Variants in TMPRSS11F observed in about 807,000 individuals in gnomAD.
The protein encoded by TMPRSS11F is transmembrane protease serine 11F.
A neutral mutation model predicts 60.2 loss-of-function variants in TMPRSS11F; 47 were observed. The ratio of observed to expected loss-of-function variants is 0.78; its 90% CI spans 0.62 to 1.00. The LOEUF (loss-of-function observed/expected upper bound fraction) is 1.00, where lower values mean the gene tolerates loss of function less well. TMPRSS11F is among the 50% of genes least tolerant of loss of function. The pLI, the probability that TMPRSS11F is intolerant of heterozygous loss-of-function variation, is 0.00. For missense variants in TMPRSS11F, 519 were observed against 522.9 expected (o/e 0.99, Z 0.07); for synonymous variants, 166 against 167.3 (o/e 0.99, Z 0.06).
chr4:68,090,851 TA>T (rs1290967753), intron 2 of TMPRSS11F, among the ~76,000 whole-genome samples: 6 of 152,192 alleles, frequency 3.9e-5, no homozygotes, highest in African/African-American at 1.4e-4. Context: ...TACTCATACA[TA>T]ACACTCCATT....
intron 1 of TMPRSS11F, among the ~76,000 whole-genome samples, chr4:68,100,832 T>G (rs1724177411): frequency 6.6e-6 from 1 of 152,086 alleles, no homozygotes; most frequent in Non-Finnish European, 1.5e-5. Flanking sequence ...TTACATAACC[T>G]AGAAAAAAAA....
chr4:68,055,834 T>C (rs1404549199), intron 9 of TMPRSS11F, among the ~76,000 whole-genome samples: 1 of 152,120 alleles, frequency 6.6e-6, no homozygotes, highest in Non-Finnish European at 1.5e-5. Context: ...TCAAATAGAT[T>C]AAAGGAATCA....
At chr4:68,100,229 A>G (rs543450174) in intron 1 of TMPRSS11F, among the ~76,000 whole-genome samples, 1 of 152,288 alleles carries the variant, frequency 6.6e-6, no homozygotes, top group African/African-American at 2.4e-5. Context: ...AATTCTGGGA[A>G]GAGGATATGG....
chr4:68,073,112 A>G (rs757923381), intron 4 of TMPRSS11F, among the ~76,000 whole-genome samples: 7 of 152,174 alleles, frequency 4.6e-5, no homozygotes, highest in African/African-American at 1.7e-4. Context: ...CAGATGCAGA[A>G]GATCCAGTGG....
rs147931639 is a variant in TMPRSS11F at position 68,068,555 on chromosome 4, C to T, written c.755+63G>A. 6.4e-3 allele frequency: 8,993 copies of T among 1,404,596 alleles called. 37 individuals are homozygous for T. The highest frequency in any genetic ancestry group is 7.9e-3 in the Non-Finnish European group (7,793 of 992,198). 87.0% of individuals were successfully genotyped at this position (1,404,596 alleles called of 1,614,324 possible). A position where few individuals can be genotyped will look rare whatever the true frequency, so the allele number is the denominator to read the frequency against. ...CTGGAGAGACTGGACTCTTCTGATG[C>T]GCTAAATCAGTGGCAGATGAGGACT... On this transcript the variant is annotated intron_variant, in intron 7 of 9. Transcript: ENST00000356291.
intron 5 of TMPRSS11F, among the ~76,000 whole-genome samples, chr4:68,071,987 A>G (rs1723475716): frequency 1.3e-5 from 2 of 151,836 alleles, no homozygotes. Context: ...CATGTCTCAC[A>G]TCTTCCTTGA....
chr4:68,067,864 G>T (rs938023269), intron 7 of TMPRSS11F, among the ~76,000 whole-genome samples: 1 of 152,152 alleles, frequency 6.6e-6, no homozygotes, highest in African/African-American at 2.4e-5. Context: ...TCTTTATTTA[G>T]AGTTTTGTCT....
intron 3 of TMPRSS11F, among the ~76,000 whole-genome samples, chr4:68,088,373 G>T (rs1393447779): frequency 1.3e-5 from 2 of 150,540 alleles, no homozygotes; most frequent in African/African-American, 4.9e-5. Context: ...CCCAATACAG[G>T]AGCACCCAGA....
At chr4:68,063,028 T>C in intron 8 of TMPRSS11F, 1 of 670,208 alleles carries the variant, frequency 1.5e-6, no homozygotes, top group Non-Finnish European at 2.9e-6. Context: ...ACACGCTCAT[T>C]TGGGAGTCAC....
At chr4:68,062,783 C>A (rs372094655) in intron 8 of TMPRSS11F, 15 of 745,040 alleles carry the variant, frequency 2.0e-5, no homozygotes, top group Non-Finnish European at 3.5e-5. Context: ...CCGCCCTCTG[C>A]GGATGGATAT....
At chr4:68,110,935 G>A (rs1335184404) in intron 1 of TMPRSS11F, among the ~76,000 whole-genome samples, 1 of 152,004 alleles carries the variant, frequency 6.6e-6, no homozygotes, top group East Asian at 1.9e-4. Flanking sequence ...TGATGGAAAT[G>A]GACAGTACAA....
At chr4:68,090,163 A>G (rs558119022) in intron 3 of TMPRSS11F, among the ~76,000 whole-genome samples, 1 of 152,218 alleles carries the variant, frequency 6.6e-6, no homozygotes, top group East Asian at 1.9e-4. Flanking sequence ...TGCTGTCAAA[A>G]TAAACAAACC....
At chr4:68,092,633 C>G (rs1003123102) in intron 2 of TMPRSS11F, among the ~76,000 whole-genome samples, 1 of 152,036 alleles carries the variant, frequency 6.6e-6, no homozygotes, top group Non-Finnish European at 1.5e-5. Context: ...CTAATCAACT[C>G]TCACATATAT....
chr4:68,123,560 C>G (rs1240842913), intron 1 of TMPRSS11F, among the ~76,000 whole-genome samples: 1 of 152,272 alleles, frequency 6.6e-6, no homozygotes, highest in South Asian at 2.1e-4. Flanking sequence ...TTTCCTTTAC[C>G]TAGCAGAAAT....
intron 8 of TMPRSS11F, chr4:68,062,026 A>G (rs1178438232): frequency 2.2e-6 from 1 of 453,416 alleles, no homozygotes; most frequent in Non-Finnish European, 4.4e-6. Context: ...TGTCTGAAAT[A>G]AAACAATTTT....
At chr4:68,109,750 A>G (rs1380760320) in intron 1 of TMPRSS11F, among the ~76,000 whole-genome samples, 17 of 152,188 alleles carry the variant, frequency 1.1e-4, no homozygotes, top group Admixed American at 1.1e-3. Context: ...TCAGATCTTT[A>G]TGATCATCCC....
intron 2 of TMPRSS11F, among the ~76,000 whole-genome samples, chr4:68,091,763 C>CTA (rs1560403407): frequency 5.6e-4 from 22 of 39,180 alleles, no homozygotes; most frequent in African/African-American, 8.3e-4. Flanking sequence ...CTCTCTCTCT[C>CTA]TCTCTCTCTC....
intron 4 of TMPRSS11F, among the ~76,000 whole-genome samples, chr4:68,073,622 G>A (rs999358015): frequency 6.6e-6 from 1 of 152,178 alleles, no homozygotes; most frequent in African/African-American, 2.4e-5. Context: ...GGCTTAAAAT[G>A]AGGAAAATGA....
At chr4:68,116,888 T>C (rs1577936323) in intron 1 of TMPRSS11F, among the ~76,000 whole-genome samples, 1 of 152,144 alleles carries the variant, frequency 6.6e-6, no homozygotes, top group African/African-American at 2.4e-5. Flanking sequence ...ATTAAAACTC[T>C]TAGAAGAAAA....
Sources: gnomAD v4.1 joint callset for allele counts (sites outside exome capture counted in the v4.1 genomes callset) on GRCh38, gnomAD v4.1.1 for gene constraint, MANE v1.5 for transcripts, NCBI Gene and HGNC (gene_info 2026-07-23, HGNC 2026-07-21) for gene names.